Variants in SLC25A3 observed in about 807,000 individuals in gnomAD.
SLC25A3 encodes the protein solute carrier family 25 member 3, also known as phosphate transport protein.
A neutral mutation model predicts 37.1 loss-of-function variants in SLC25A3; 14 were observed. The observed-to-expected ratio is 0.38, with a 90% CI of 0.25 to 0.59. The LOEUF is 0.59. Ranked by LOEUF, SLC25A3 falls within the 20% of genes least tolerant of loss-of-function variation. The pLI, the probability that SLC25A3 is intolerant of heterozygous loss-of-function variation, is 0.67. For missense variants in SLC25A3, 385 were observed against 458.1 expected (o/e 0.84, Z 1.46); for synonymous variants, 161 against 168.7 (o/e 0.95, Z 0.36).
At chr12:98,595,200 T>A (rs533464596) in intron 2 of SLC25A3, 77 of 539,840 alleles carry the variant, frequency 1.4e-4, no homozygotes, top group Non-Finnish European at 2.1e-4. Context: ...AGAAAACTTT[T>A]AAAAAAATTA....
chr12:98,602,070 A>G lies in SLC25A3; in HGVS notation c.*542A>G, dbSNP rs2097598344. On this transcript the variant is annotated 3_prime_UTR_variant, in exon 8 of 8. Coordinates refer to ENST00000552981, the MANE Select transcript of SLC25A3 (RefSeq NM_002635.4). ...TAATCCTTATTTGTAAGACAAGGTA[A>G]ACCAAATTAGGCTGATTCTTAGAAT... 1 of 161,328 alleles carries G rather than the reference A, an allele frequency of 6.2e-6. No individual in the cohort carries two copies. Among genetic ancestry groups the G allele is most frequent in the African/African-American group, 2.4e-5 (1 of 41,472 alleles). The allele number at this position is 161,328 out of a possible 1,614,324, so 10.0% of individuals were successfully genotyped here. A position where few individuals can be genotyped will look rare whatever the true frequency, so the allele number is the denominator to read the frequency against.
At chr12:98,598,442 G>C in intron 4 of SLC25A3, 80 bp from the exon 5 acceptor site, 3 of 1,607,070 alleles carry the variant, frequency 1.9e-6, no homozygotes, top group Non-Finnish European at 2.5e-6. Flanking sequence ...CTGAAGCTTA[G>C]TTGTTTTCTA....
intron 5 of SLC25A3, 75 bp from the exon 6 acceptor site, chr12:98,599,880 C>A: frequency 6.6e-7 from 1 of 1,519,678 alleles, no homozygotes; most frequent in Non-Finnish European, 9.1e-7. Flanking sequence ...CGTGTGCGGA[C>A]ATTTCTGTTA....
At chr12:98,596,839 G>A (rs1364434155) in intron 3 of SLC25A3, among the ~76,000 whole-genome samples, 1 of 152,090 alleles carries the variant, frequency 6.6e-6, no homozygotes, top group East Asian at 1.9e-4. Flanking sequence ...TAGCCAACAT[G>A]GTGAAACCTC....
chr12:98,595,458 T>TG (rs2097592201), intron 2 of SLC25A3: 1 of 1,613,674 alleles, frequency 6.2e-7, no homozygotes, highest in Non-Finnish European at 8.5e-7. Flanking sequence ...ACTATGGATC[T>TG]GGCAGATTCT....
rs1048045653 is a variant in SLC25A3, at chr12:98,602,247, C to G, written c.*719C>G. ...TGTCGCGATCTCGCCTCACGGCAAC[C>G]TCTGCCTCCCAGGTTCAAGCGATTG... is the stretch of plus-strand genomic sequence containing the variant. On this transcript the variant is annotated 3_prime_UTR_variant, in exon 8 of 8. Coordinates refer to ENST00000552981, the MANE Select transcript of SLC25A3 (RefSeq NM_002635.4). 1 of 152,312 alleles carries G rather than the reference C, an allele frequency of 6.6e-6. No individual in the cohort carries two copies. The highest frequency in any genetic ancestry group is 1.5e-5 in the Non-Finnish European group (1 of 68,194). The allele number at this position is 152,312 out of a possible 1,614,324, so 9.4% of individuals were successfully genotyped here.
chr12:98,599,015 C>T (rs980717835), intron 5 of SLC25A3, among the ~76,000 whole-genome samples: 14 of 152,084 alleles, frequency 9.2e-5, no homozygotes, highest in African/African-American at 3.4e-4. Flanking sequence ...CCCACCTTGG[C>T]CTCCCAAAAT....
chr12:98,594,146 A>G lies in SLC25A3; in HGVS notation c.157+11A>G, dbSNP rs771404438. The G allele has an allele frequency of 1.9e-6, 3 of 1,603,374 alleles. No individual in the cohort carries two copies. The highest frequency in any genetic ancestry group is 8.5e-7 in the Non-Finnish European group (1 of 1,174,264). Reference sequence around the variant, plus strand: ...CCGCCGCCGTGGAAGGTGAGATCAGACCCTGCCCAATACAGTCGTGTGGTC... The same window carrying G: ...CCGCCGCCGTGGAAGGTGAGATCAGGCCCTGCCCAATACAGTCGTGTGGTC... On this transcript the variant is annotated intron_variant, in intron 2 of 7. Coordinates refer to ENST00000552981, the MANE Select transcript of SLC25A3 (RefSeq NM_002635.4).
At chr12:98,594,657 A>G in intron 2 of SLC25A3, 2 of 403,204 alleles carry the variant, frequency 5.0e-6, no homozygotes, top group Non-Finnish European at 9.2e-6. Flanking sequence ...TTGCAGCCCT[A>G]CATAGGCAAT....
At chr12:98,593,918 C>G (rs984767131) in intron 1 of SLC25A3, 57 bp from the exon 2 acceptor site, 5 of 1,606,918 alleles carry the variant, frequency 3.1e-6, no homozygotes, top group Non-Finnish European at 4.3e-6. Flanking sequence ...TCCAGGGCGC[C>G]GGTAACGTTA....
At position 98,593,760 on chromosome 12, in the gene SLC25A3, C is replaced by T. The variant is rs1177909067; in HGVS notation, c.-5+20C>T. On this transcript the variant is annotated intron_variant, in intron 1 of 7. Coordinates refer to ENST00000552981, the MANE Select transcript of SLC25A3 (RefSeq NM_002635.4). ...TAGGGAGTGAGTGTGGCCGGGCCTTCTCCTGTGGCGGGTGTGGGGAGCGGA... is the reference window on the plus strand; with the variant it reads ...TAGGGAGTGAGTGTGGCCGGGCCTTTTCCTGTGGCGGGTGTGGGGAGCGGA... The T allele has an allele frequency of 6.5e-6, 4 of 612,040 alleles. No homozygotes were observed. In the African/African-American group the frequency reaches 7.4e-5, roughly 11 times the overall value. 37.9% of individuals were successfully genotyped at this position (612,040 alleles called of 1,614,324 possible).
chr12:98,603,981 C>G lies in SLC25A3; in HGVS notation c.*2453C>G, dbSNP rs953837615. ...TAAGAATACACGAAACTGCCAGGCA[C>G]AGTGGGTCATGCCTGTAAACCCAGC... On this transcript the variant is annotated 3_prime_UTR_variant, in exon 8 of 8. Coordinates refer to ENST00000552981, the MANE Select transcript of SLC25A3 (RefSeq NM_002635.4). The G allele has an allele frequency of 6.6e-6, 1 of 152,118 alleles. No homozygotes were observed. 9.4% of individuals were successfully genotyped at this position (152,118 alleles called of 1,614,324 possible).
rs771553727 is a variant in SLC25A3 at position 98,601,435 on chromosome 12, C to G, written c.993C>G (p.Ile331Met). The G allele has an allele frequency of 6.2e-7, 1 of 1,613,984 alleles. No homozygotes were observed. Among genetic ancestry groups the G allele is most frequent in the East Asian group, 2.2e-5 (1 of 44,880 alleles). Residue 331 changes from isoleucine (I) to methionine (M), a missense_variant, in exon 8 of 8, where the codon ATC (isoleucine) becomes ATG (methionine). Ile to Met is a conservative substitution (Grantham distance 10, BLOSUM62 1). Around this residue, in one of 2 missense-constraint regions of SLC25A3, gnomAD observed 276 missense variants for 367.6 expected, o/e 0.75. Coordinates refer to ENST00000552981, the MANE Select transcript of SLC25A3 (RefSeq NM_002635.4). ...IGTLTALQWFIYDSVKVYFRL... is the reference protein window; with the variant it reads ...IGTLTALQWFMYDSVKVYFRL... Reference sequence around the variant, plus strand: ...CCCTGACTGCACTACAGTGGTTTATCTATGACTCCGTGAAGGTCTACTTCA... The same window carrying G: ...CCCTGACTGCACTACAGTGGTTTATGTATGACTCCGTGAAGGTCTACTTCA...
At chr12:98,596,978 C>T (rs879439907) in intron 3 of SLC25A3, among the ~76,000 whole-genome samples, 7 of 152,152 alleles carry the variant, frequency 4.6e-5, no homozygotes, top group Middle Eastern at 3.2e-3. Flanking sequence ...GAGATCACAC[C>T]ATGGCACTCC....
At chr12:98,599,888 T>A (rs1258914378) in intron 5 of SLC25A3, 67 bp from the exon 6 acceptor site, 1 of 1,566,566 alleles carries the variant, frequency 6.4e-7, no homozygotes, top group African/African-American at 1.4e-5. Flanking sequence ...GACATTTCTG[T>A]TAATAATGAC....
chr12:98,596,933 C>A (rs561179575), intron 3 of SLC25A3, among the ~76,000 whole-genome samples: 1 of 152,018 alleles, frequency 6.6e-6, no homozygotes, highest in African/African-American at 2.4e-5. Context: ...GCAGGAGAAT[C>A]GCTTGAACCT....
At chr12:98,597,775 C>T in intron 3 of SLC25A3, 81 bp from the exon 4 acceptor site, 1 of 1,563,202 alleles carries the variant, frequency 6.4e-7, no homozygotes, top group Non-Finnish European at 8.7e-7. Context: ...TTATGGAACC[C>T]AAACAAAAAT....
chr12:98,598,672 C>G lies in SLC25A3; in HGVS notation c.610C>G (p.Pro204Ala). 1 of 1,613,904 alleles carries G rather than the reference C, an allele frequency of 6.2e-7. No individual in the cohort carries two copies. Among genetic ancestry groups the G allele is most frequent in the Non-Finnish European group, 8.5e-7 (1 of 1,179,900 alleles). Residue 204 changes from proline to alanine, a missense_variant, in exon 5 of 8, where the codon CCC becomes GCC. This residue lies in a region of SLC25A3 where 276 missense variants were observed against 367.6 expected (regional missense o/e 0.75). Coordinates refer to ENST00000552981, the MANE Select transcript of SLC25A3 (RefSeq NM_002635.4). ...GYANTLRDAA[P>A]KMYKEEGLKA... ...TGCCAACACTTTGAGGGATGCAGCTCCCAAAATGTATAAGGAAGAAGGCCT... is the reference window on the plus strand; with the variant it reads ...TGCCAACACTTTGAGGGATGCAGCTGCCAAAATGTATAAGGAAGAAGGCCT...
chr12:98,600,032 C>G lies in SLC25A3; in HGVS notation c.719C>G (p.Thr240Ser). 6.2e-7 allele frequency: 1 copy of G among 1,614,086 alleles called. No homozygotes were observed. The highest frequency in any genetic ancestry group is 8.5e-7 in the Non-Finnish European group (1 of 1,179,910). ...ATGAAGTTCGCCTGCTTTGAACGTACTGTTGAAGCACTGTACAAGTTTGTG... is the reference window on the plus strand; with the variant it reads ...ATGAAGTTCGCCTGCTTTGAACGTAGTGTTGAAGCACTGTACAAGTTTGTG... ...TMMKFACFER[T>S]VEALYKFVVP... Residue 240 changes from threonine to serine, a missense_variant, in exon 6 of 8, where the codon ACT (threonine) becomes AGT (serine). Around this residue, in one of 2 missense-constraint regions of SLC25A3, gnomAD observed 276 missense variants for 367.6 expected, o/e 0.75. Transcript: ENST00000552981.
Sources: allele counts gnomAD v4.1 joint callset (sites outside exome capture counted in the v4.1 genomes callset), GRCh38; gene constraint gnomAD v4.1.1; regional missense constraint gnomAD v4.1.1; transcripts MANE v1.5; gene names NCBI Gene and HGNC (gene_info 2026-07-23, HGNC 2026-07-21).